DLG2: variants seen among roughly 807,000 people sequenced by gnomAD.
DLG2 encodes disks large homolog 2.
In DLG2, 45 loss-of-function variants were observed where a neutral mutation model predicts 132.5. The observed-to-expected ratio is 0.34, with a 90% CI of 0.27 to 0.44. The LOEUF is 0.44. Among genes scored for constraint, DLG2 ranks in the 20% least tolerant of loss-of-function variants. DLG2 has a pLI of 1.00. For synonymous variants in DLG2, 424 were observed against 419.6 expected (o/e 1.01, Z -0.13); for missense variants, 1,045 against 1,196.9 (o/e 0.87, Z 1.87).
At chr11:83,983,754 T>C (rs191984956) in intron 11 of DLG2, among the ~76,000 whole-genome samples, 9 of 152,182 alleles carry the variant, frequency 5.9e-5, no homozygotes, top group African/African-American at 1.9e-4. Flanking sequence ...GCCTCAGATT[T>C]ACAATTTGTT....
At chr11:84,028,581 T>A (rs2154086201) in intron 11 of DLG2, among the ~76,000 whole-genome samples, 1 of 152,230 alleles carries the variant, frequency 6.6e-6, no homozygotes, top group Non-Finnish European at 1.5e-5. Context: ...CTGGGTTTTA[T>A]CATTAGACCA....
intron 6 of DLG2, among the ~76,000 whole-genome samples, chr11:84,741,056 CTTTTTTTTTTTTT>C (rs1163275954): frequency 6.3e-5 from 5 of 79,296 alleles, no homozygotes; most frequent in African/African-American, 2.3e-4. Context: ...TGCCTATGCT[CTTTTTTTTTTTTT>C]TTTTTTTTTT....
rs74347737 is a variant in DLG2 at position 85,266,443 on chromosome 11, A to C, written c.186+18777T>G. 2.6e-3 allele frequency among the ~76,000 whole-genome samples: 390 copies of C among 152,182 alleles called. 3 individuals carry two copies. Among genetic ancestry groups the C allele is most frequent in the East Asian group, 0.025 (128 of 5,164 alleles). On this transcript the variant is annotated intron_variant, in intron 4 of 27. Transcript: ENST00000376104. ...ATAGACACAGGGAGGGGAACATCACACAGTAGGGCCTGTTGGGGGATGGGG... is the reference window on the plus strand; with the variant it reads ...ATAGACACAGGGAGGGGAACATCACCCAGTAGGGCCTGTTGGGGGATGGGG...
chr11:84,551,526 T>G (rs916982674), intron 6 of DLG2, among the ~76,000 whole-genome samples: 7 of 152,232 alleles, frequency 4.6e-5, no homozygotes, highest in Non-Finnish European at 7.3e-5. Context: ...AAGCCTTAAT[T>G]TATTTAATCC....
At chr11:85,068,258 T>C (rs915585364) in intron 6 of DLG2, among the ~76,000 whole-genome samples, 11 of 152,090 alleles carry the variant, frequency 7.2e-5, no homozygotes, top group African/African-American at 2.2e-4. Context: ...GGATGCCCTC[T>C]CTCACCACTC....
intron 6 of DLG2, among the ~76,000 whole-genome samples, chr11:85,070,051 G>T (rs1434221228): frequency 6.6e-6 from 1 of 151,784 alleles, no homozygotes; most frequent in African/African-American, 2.4e-5. Flanking sequence ...ACTATCGCAA[G>T]GACAAAAAAC....
At chr11:85,026,329 C>T (rs573650) in intron 6 of DLG2, among the ~76,000 whole-genome samples, 1 of 151,936 alleles carries the variant, frequency 6.6e-6, no homozygotes, top group Admixed American at 6.6e-5. Flanking sequence ...TTGGTAGTAA[C>T]GGAATTGCAA....
chr11:83,606,069 T>A (rs2059295127), intron 19 of DLG2, among the ~76,000 whole-genome samples: 1 of 152,186 alleles, frequency 6.6e-6, no homozygotes, highest in Non-Finnish European at 1.5e-5. Context: ...GATTCTTTGG[T>A]GTTTAACTCC....
At chr11:84,473,826 T>A (rs987756344) in intron 7 of DLG2, among the ~76,000 whole-genome samples, 1 of 152,094 alleles carries the variant, frequency 6.6e-6, no homozygotes, top group Non-Finnish European at 1.5e-5. Context: ...AGTTTTTAAA[T>A]TCATTGTTAT....
At chr11:85,587,180 T>G (rs1405655763) in intron 3 of DLG2, among the ~76,000 whole-genome samples, 2 of 152,216 alleles carry the variant, frequency 1.3e-5, no homozygotes, top group African/African-American at 4.8e-5. Flanking sequence ...TCTGCGGTTT[T>G]GGGGTAGAAT....
chr11:84,950,862 A>T (rs117484736), intron 6 of DLG2, among the ~76,000 whole-genome samples: 3,005 of 152,304 alleles, frequency 0.02, 57 homozygotes, highest in Admixed American at 0.043. Flanking sequence ...TGGCTAGAAA[A>T]AAAAACTAAA....
At chr11:84,324,856 G>A (rs1487708820) in intron 7 of DLG2, among the ~76,000 whole-genome samples, 1 of 151,844 alleles carries the variant, frequency 6.6e-6, no homozygotes, top group African/African-American at 2.4e-5. Flanking sequence ...ACTAATTTTT[G>A]TATATTGATT....
intron 6 of DLG2, among the ~76,000 whole-genome samples, chr11:84,913,071 A>G (rs2092219319): frequency 6.6e-6 from 1 of 152,196 alleles, no homozygotes; most frequent in South Asian, 2.1e-4. Flanking sequence ...AATTACAGGT[A>G]GATTCTACAG....
At chr11:84,858,395 T>C (rs946546089) in intron 6 of DLG2, among the ~76,000 whole-genome samples, 4 of 152,026 alleles carry the variant, frequency 2.6e-5, no homozygotes, top group Non-Finnish European at 5.9e-5. Flanking sequence ...AGTGGAAATC[T>C]GGGAAGATGG....
intron 6 of DLG2, among the ~76,000 whole-genome samples, chr11:85,086,944 T>C (rs745984366): frequency 1.3e-5 from 2 of 152,236 alleles, no homozygotes; most frequent in Non-Finnish European, 2.9e-5. Context: ...AGTACATGTA[T>C]ATGTCTTTTG....
rs1189471135 is a variant in DLG2 at position 84,544,467 on chromosome 11, C to CA, written c.358-9737dup. 2.6e-5 allele frequency among the ~76,000 whole-genome samples: 4 copies of CA among 152,070 alleles called. No homozygotes were observed. The East Asian group carries it at 5.8e-4, about 22-fold the overall frequency. ...TCATTCTCATTTCCAAATGAGAAAACAGAGGGTCAGAGAGTTTCTAAAGTG... is the reference window on the plus strand; with the variant it reads ...TCATTCTCATTTCCAAATGAGAAAACAAGAGGGTCAGAGAGTTTCTAAAGTG... On this transcript the variant is annotated intron_variant, in intron 6 of 27. Transcript: ENST00000376104.
At chr11:84,327,106 G>A (rs2098436312) in intron 7 of DLG2, among the ~76,000 whole-genome samples, 1 of 146,678 alleles carries the variant, frequency 6.8e-6, no homozygotes, top group Non-Finnish European at 1.5e-5. Flanking sequence ...AACATATAAT[G>A]AGAATCTTTT....
At chr11:83,775,520 C>T (rs1323553952) in intron 18 of DLG2, among the ~76,000 whole-genome samples, 1 of 152,184 alleles carries the variant, frequency 6.6e-6, no homozygotes, top group Non-Finnish European at 1.5e-5. Context: ...TGAGTTAACA[C>T]ATGCAGAGAT....
intron 4 of DLG2, among the ~76,000 whole-genome samples, chr11:85,187,715 G>C (rs1268859234): frequency 6.6e-6 from 1 of 152,094 alleles, no homozygotes; most frequent in African/African-American, 2.4e-5. Context: ...TATTAGGATG[G>C]GAAAAGTAGT....
Sources: gnomAD v4.1 joint callset for allele counts (sites outside exome capture counted in the v4.1 genomes callset) on GRCh38, gnomAD v4.1.1 for gene constraint, MANE v1.5 for transcripts, NCBI Gene and HGNC (gene_info 2026-07-23, HGNC 2026-07-21) for gene names.